ERCC6L: variants seen among roughly 807,000 people sequenced by gnomAD.
The protein encoded by ERCC6L is ERCC excision repair 6 like, spindle assembly checkpoint helicase.
ERCC6L carries 7 observed loss-of-function variants against 20.1 expected under a neutral mutation model. The observed-to-expected ratio is 0.35, with a 90% confidence interval of 0.20 to 0.65. ERCC6L has a LOEUF of 0.65. Among genes scored for constraint, ERCC6L ranks in the 30% least tolerant of loss-of-function variants. The pLI, the probability that ERCC6L is intolerant of heterozygous loss-of-function variation, is 0.69. For missense variants in ERCC6L, 592 were observed against 892.4 expected (o/e 0.66, Z 4.29); for synonymous variants, 278 against 331.3 (o/e 0.84, Z 1.75).
In ERCC6L at chrX:72,238,943, G is replaced by GGGAGTTTGGAGTTT. The variant is rs202000886; in HGVS notation, c.-33_-32insAAACTCCAAACTCC. The GGGAGTTTGGAGTTT allele has an allele frequency of 8.9e-7, 1 of 1,124,329 alleles. No individual in the cohort carries two copies. The highest frequency in any genetic ancestry group is 1.2e-6 in the Non-Finnish European group (1 of 834,990). 92.7% of individuals were successfully genotyped at this position (1,124,329 alleles called of 1,213,427 possible). A position where few individuals can be genotyped will look rare whatever the true frequency, so the allele number is the denominator to read the frequency against. ...CGGATTGGGTTCCAGTTACCCCGGC[G>GGGAGTTTGGAGTTT]GGAGTTTGGAGCTTGGAGCTTGGAG... is the stretch of plus-strand genomic sequence containing the variant. On this transcript the variant is annotated 5_prime_UTR_variant, in exon 1 of 2. Coordinates refer to ENST00000334463, the MANE Select transcript of ERCC6L (RefSeq NM_017669.4).
intron 1 of ERCC6L, among the ~76,000 whole-genome samples, chrX:72,237,515 G>A (rs1255630292): frequency 1.8e-5 from 2 of 109,657 alleles, no homozygotes; most frequent in Non-Finnish European, 3.8e-5. Flanking sequence ...GGAGAATGGC[G>A]TGAACCCGGA....
At chrX:72,210,202 AAAATAAATAAATAAAT>A (rs58086876) in intron 1 of ERCC6L, among the ~76,000 whole-genome samples, 21 of 97,189 alleles carry the variant, frequency 2.2e-4, no homozygotes, top group South Asian at 1.0e-3. Flanking sequence ...TGTCTCTTAA[AAAATAAATAAATAAAT>A]AAATAAATAA....
At chrX:72,214,672 CAAA>C (rs58451189) in intron 1 of ERCC6L, among the ~76,000 whole-genome samples, 3 of 41,987 alleles carry the variant, frequency 7.1e-5, no homozygotes. Flanking sequence ...GACTCCATCT[CAAA>C]AAAAAAAAAA....
intron 1 of ERCC6L, among the ~76,000 whole-genome samples, chrX:72,211,050 T>G (rs2042851395): frequency 1.8e-5 from 2 of 112,122 alleles, no homozygotes; most frequent in Admixed American, 1.9e-4. Flanking sequence ...AAGACTAGAA[T>G]GCTTTTTACA....
In ERCC6L at chrX:72,205,722, AACT is replaced by A. The variant is rs2042814504; in HGVS notation, c.3042_3044del (p.Val1015del). ...TAGCTTTACTTCTGATTTTTGCTTT[AACT>A]ACTACTTCTTCTGGTTCATCGTCTT... On this transcript the variant is annotated inframe_deletion, in exon 2 of 2. Coordinates refer to ENST00000334463, the MANE Select transcript of ERCC6L (RefSeq NM_017669.4). The A allele has an allele frequency of 1.2e-5, 15 of 1,211,760 alleles. No homozygotes were observed. The highest frequency in any genetic ancestry group is 3.0e-5 in the East Asian group (1 of 33,850).
intron 1 of ERCC6L, among the ~76,000 whole-genome samples, chrX:72,209,580 C>G (rs960482327): frequency 9.0e-6 from 1 of 111,560 alleles, no homozygotes; most frequent in Non-Finnish European, 1.9e-5. Context: ...CCAAGTCCTA[C>G]TAACTTTATT....
At chrX:72,230,700 C>T (rs961142053) in intron 1 of ERCC6L, among the ~76,000 whole-genome samples, 4 of 112,223 alleles carry the variant, frequency 3.6e-5, no homozygotes, top group Non-Finnish European at 5.6e-5. Flanking sequence ...TGGTGCTTCA[C>T]GCCTGTAATC....
Position 72,207,012 on chromosome X carries a change from G to A in ERCC6L, c.1755C>T (p.Ile585=). 3.3e-6 allele frequency: 4 copies of A among 1,211,458 alleles called. No individual in the cohort carries two copies. Among genetic ancestry groups the A allele is most frequent in the Non-Finnish European group, 3.4e-6 (3 of 895,379 alleles). The change falls in exon 2 of 2, where the codon ATC becomes ATT. Residue 585 remains isoleucine (I), a synonymous_variant. Coordinates refer to ENST00000334463, the MANE Select transcript of ERCC6L (RefSeq NM_017669.4). ...TTTTTTCCTCTACAGTCCCACAAGT[G>A]ATTAGCCTATAAACCACAACATTCT... ...QKENVVVYRL[I]TCGTVEEKIY...
At chrX:72,223,385 A>G (rs6624612) in intron 1 of ERCC6L, among the ~76,000 whole-genome samples, 42,152 of 101,710 alleles carry the variant, frequency 0.41, 8,701 homozygotes, top group East Asian at 0.98. Context: ...ACATCTCAGC[A>G]GGACCTCCTA....
At chrX:72,226,516 C>T (rs139385227) in intron 1 of ERCC6L, among the ~76,000 whole-genome samples, 2 of 112,059 alleles carry the variant, frequency 1.8e-5, no homozygotes, top group African/African-American at 3.2e-5. Context: ...AAATTTGGAG[C>T]GAGCGGGGCT....
Position 72,204,797 on chromosome X carries a change from T to A in ERCC6L, c.*217A>T, listed in dbSNP as rs1165161820. ...AAACAACACAGTTAAATTTATAGAA[T>A]ATGCCTAAAATATAAGAATATTCAA... On this transcript the variant is annotated 3_prime_UTR_variant, in exon 2 of 2. Coordinates refer to ENST00000334463, the MANE Select transcript of ERCC6L (RefSeq NM_017669.4). The A allele has an allele frequency of 2.2e-5, 6 of 276,852 alleles. No homozygotes were observed. Among genetic ancestry groups the A allele is most frequent in the Non-Finnish European group, 3.8e-5 (6 of 159,235 alleles). 22.8% of individuals were successfully genotyped at this position (276,852 alleles called of 1,213,427 possible). A position where few individuals can be genotyped will look rare whatever the true frequency, so the allele number is the denominator to read the frequency against.
chrX:72,217,734 A>C (rs986024734), intron 1 of ERCC6L, among the ~76,000 whole-genome samples: 1 of 111,683 alleles, frequency 9.0e-6, no homozygotes, highest in African/African-American at 3.3e-5. Context: ...AATAAAAAAA[A>C]ACACAAAAAG....
Position 72,234,588 on chromosome X carries a change from A to AT in ERCC6L, c.68+4255dup, listed in dbSNP as rs1182637953. The stretch of plus-strand genomic sequence containing the variant: ...GAAATGAAAATAGGATCAAGAGAGG[A>AT]TTTTTTTTTTTAACAATGAAAGAAT... On this transcript the variant is annotated intron_variant, in intron 1 of 1. Transcript: ENST00000334463. Among the ~76,000 whole-genome samples, 1,031 of 107,704 alleles carry AT rather than the reference A, an allele frequency of 9.6e-3. 14 individuals are homozygous for AT. The highest frequency in any genetic ancestry group is 0.018 in the African/African-American group (531 of 29,760). 93.5% of individuals were successfully genotyped at this position (107,704 alleles called of 115,157 possible). A position where few individuals can be genotyped will look rare whatever the true frequency, so the allele number is the denominator to read the frequency against.
At chrX:72,221,821 CCTT>C (rs1442467753) in intron 1 of ERCC6L, among the ~76,000 whole-genome samples, 1 of 110,246 alleles carries the variant, frequency 9.1e-6, no homozygotes, top group Non-Finnish European at 1.9e-5. Flanking sequence ...CTCATGAAGT[CCTT>C]CTTCTCAATG....
chrX:72,212,034 G>A (rs1020871077), intron 1 of ERCC6L, among the ~76,000 whole-genome samples: 1 of 111,115 alleles, frequency 9.0e-6, no homozygotes, highest in Non-Finnish European at 1.9e-5. Flanking sequence ...CAGCACTTTG[G>A]GAGGCTGAGG....
At position 72,210,901 on chromosome X, in the gene ERCC6L, C is replaced by T. The variant is rs758408748; in HGVS notation, c.69-2203G>A. ...CCTAGTTAGCAGGTCTGTCTAACAACTGCATCTCAGCTCTTCCTTTCCCCT... is the reference window on the plus strand; with the variant it reads ...CCTAGTTAGCAGGTCTGTCTAACAATTGCATCTCAGCTCTTCCTTTCCCCT... On this transcript the variant is annotated intron_variant, in intron 1 of 1. Transcript: ENST00000334463. Among the ~76,000 whole-genome samples, 8 of 112,094 alleles carry T rather than the reference C, an allele frequency of 7.1e-5. No homozygotes were observed. In the South Asian group the frequency reaches 2.9e-3, roughly 41 times the overall value.
intron 1 of ERCC6L, among the ~76,000 whole-genome samples, chrX:72,230,124 G>A (rs1203757440): frequency 4.6e-5 from 5 of 109,334 alleles, no homozygotes; most frequent in African/African-American, 6.7e-5. Flanking sequence ...GCAGTGAGCC[G>A]AGATTGCGCC....
intron 1 of ERCC6L, among the ~76,000 whole-genome samples, chrX:72,228,537 A>C (rs1049843505): frequency 9.9e-5 from 11 of 111,596 alleles, no homozygotes; most frequent in African/African-American, 3.6e-4. Flanking sequence ...TTGGAAGAAA[A>C]GGAAGAGAAA....
chrX:72,238,085 T>G (rs761873073), intron 1 of ERCC6L: 1 of 111,961 alleles, frequency 8.9e-6, no homozygotes, highest in South Asian at 3.7e-4. Context: ...GTTCTGGAGA[T>G]GACGGACGGC....
Sources: allele counts gnomAD v4.1 joint callset (sites outside exome capture counted in the v4.1 genomes callset), GRCh38; gene constraint gnomAD v4.1.1; transcripts MANE v1.5; gene names NCBI Gene and HGNC (gene_info 2026-07-23, HGNC 2026-07-21).